Variants in CYTH3 observed in about 807,000 individuals in gnomAD.
The protein encoded by CYTH3 is cytohesin 3.
In CYTH3, 23 loss-of-function variants were observed where a neutral mutation model predicts 55.1. The ratio of observed to expected loss-of-function variants is 0.42; its 90% CI spans 0.30 to 0.59. The LOEUF (loss-of-function observed/expected upper bound fraction) is 0.59. Ranked by LOEUF, CYTH3 falls within the 20% of genes least tolerant of loss-of-function variation. The pLI is 0.20. For synonymous variants in CYTH3, 249 were observed against 194.9 expected (o/e 1.28, Z -2.31); for missense variants, 413 against 524.8 (o/e 0.79, Z 2.08).
At chr7:6,266,137 G>A (rs1780485261) in intron 1 of CYTH3, among the ~76,000 whole-genome samples, 1 of 151,874 alleles carries the variant, frequency 6.6e-6, no homozygotes, top group African/African-American at 2.4e-5. Flanking sequence ...CTGAACCACT[G>A]CAACACCTCC....
intron 4 of CYTH3, among the ~76,000 whole-genome samples, chr7:6,183,959 C>G (rs1222698037): frequency 6.7e-6 from 1 of 149,924 alleles, no homozygotes; most frequent in Non-Finnish European, 1.5e-5. Context: ...CCTCACCAGA[C>G]ACCAATCATG....
At position 6,170,713 on chromosome 7, in the gene CYTH3, T is replaced by A. The variant is rs1019209711; in HGVS notation, c.712-67A>T. 24 of 1,578,640 alleles carry A rather than the reference T, an allele frequency of 1.5e-5. No homozygotes were observed. The highest frequency in any genetic ancestry group is 2.7e-5 in the African/African-American group (2 of 74,130). On this transcript the variant is annotated intron_variant, in intron 8 of 12. Coordinates refer to ENST00000350796, the MANE Select transcript of CYTH3 (RefSeq NM_004227.4). This position sits in a 1 kb window ranked among gnomAD's most constrained non-coding sequence, Gnocchi z 7.8. ...GAAAATGGCTGGCCGGGCAGAAAGC[T>A]CAGCGGGACCAGGGCGGCAAGGAGG... is the stretch of plus-strand genomic sequence containing the variant.
At position 6,171,709 on chromosome 7, in the gene CYTH3, T is replaced by C. The variant is rs10275021; in HGVS notation, c.450-395A>G. ...GTCCTCCTTTCAGAACTCCCACACA[T>C]AAGGCAGAGCCATAGCCCACAGGAC... On this transcript the variant is annotated intron_variant, in intron 6 of 12. Coordinates refer to ENST00000350796, the MANE Select transcript of CYTH3 (RefSeq NM_004227.4). This position sits in a 1 kb window ranked among gnomAD's most constrained non-coding sequence, Gnocchi z 6.7. 20,354 of 244,434 alleles carry C rather than the reference T, an allele frequency of 0.083. 1,227 individuals carry two copies. Among genetic ancestry groups the C allele is most frequent in the African/African-American group, 0.18 (8,350 of 45,502 alleles). 15.1% of individuals were successfully genotyped at this position (244,434 alleles called of 1,614,324 possible).
chr7:6,187,212 T>A, intron 3 of CYTH3, 96 bp from the exon 4 acceptor site: 1 of 1,354,802 alleles, frequency 7.4e-7, no homozygotes, highest in Non-Finnish European at 1.1e-6. Context: ...AACAACGGGC[T>A]CAAGGAAGCG....
At chr7:6,221,994 C>T (rs1347289420) in intron 1 of CYTH3, among the ~76,000 whole-genome samples, 1 of 152,168 alleles carries the variant, frequency 6.6e-6, no homozygotes, top group Admixed American at 6.5e-5. Context: ...CTTTATATTG[C>T]ATAAGGTAAG....
At position 6,171,038 on chromosome 7, in the gene CYTH3, C is replaced by T. The variant is rs1583735037; in HGVS notation, c.563-60G>A. On this transcript the variant is annotated intron_variant, in intron 7 of 12. Transcript: ENST00000350796. This position sits in a 1 kb window ranked among gnomAD's most constrained non-coding sequence, Gnocchi z 6.7. ...ACCTCCAGTGGACAGTGGGACCCCG[C>T]GTGCTGGGGGCCCGCCTGCAAGAGG... The T allele has an allele frequency of 1.1e-5, 17 of 1,601,140 alleles. No homozygotes were observed. The East Asian group carries it at 2.5e-4, about 23-fold the overall frequency.
chr7:6,255,742 GT>G (rs1363383126), intron 1 of CYTH3, among the ~76,000 whole-genome samples: 7 of 142,850 alleles, frequency 4.9e-5, no homozygotes, highest in African/African-American at 1.8e-4. Context: ...GACTACCCAA[GT>G]TTGACCTTTA....
chr7:6,184,242 A>T (rs1020270745), intron 4 of CYTH3, among the ~76,000 whole-genome samples: 3 of 151,252 alleles, frequency 2.0e-5, no homozygotes, highest in African/African-American at 7.3e-5. Context: ...TTGTATTTTC[A>T]GTAGAAACGG....
At chr7:6,254,364 T>C (rs1222663388) in intron 1 of CYTH3, among the ~76,000 whole-genome samples, 5 of 152,342 alleles carry the variant, frequency 3.3e-5, no homozygotes, top group Middle Eastern at 3.4e-3. Flanking sequence ...TGACTGTTAG[T>C]TATCTTAAGA....
intron 1 of CYTH3, among the ~76,000 whole-genome samples, chr7:6,269,162 G>A (rs1219838846): frequency 1.3e-5 from 2 of 152,188 alleles, no homozygotes; most frequent in Non-Finnish European, 2.9e-5. Flanking sequence ...GTTGCCTGCA[G>A]GGGTGAGTCC....
At chr7:6,197,660 G>T (rs1165320867) in intron 1 of CYTH3, among the ~76,000 whole-genome samples, 1 of 152,096 alleles carries the variant, frequency 6.6e-6, no homozygotes, top group Non-Finnish European at 1.5e-5. Flanking sequence ...TCCAGCCTGG[G>T]CAACAAGAGT....
rs1269345835 is a variant in CYTH3, at chr7:6,259,801, ATAT to A, written c.34+12670_34+12672del. Reference sequence around the variant, plus strand: ...ATATATATAATATATATATATATATATATATATATATAATATATATATATATAT... The same window carrying A: ...ATATATATAATATATATATATATATAATATATATAATATATATATATATAT... On this transcript the variant is annotated intron_variant, in intron 1 of 12. Transcript: ENST00000350796. 2.5e-4 allele frequency among the ~76,000 whole-genome samples: 6 copies of A among 24,094 alleles called. No individual in the cohort carries two copies. In the South Asian group the frequency reaches 6.8e-3, roughly 27 times the overall value. 15.8% of individuals were successfully genotyped at this position (24,094 alleles called of 152,430 possible).
chr7:6,245,643 G>A lies in CYTH3; in HGVS notation c.34+26831C>T, dbSNP rs1414158585. Among the ~76,000 whole-genome samples, 5 of 152,308 alleles carry A rather than the reference G, an allele frequency of 3.3e-5. No homozygotes were observed. The East Asian group carries it at 5.8e-4, about 18-fold the overall frequency. On this transcript the variant is annotated intron_variant, in intron 1 of 12. Coordinates refer to ENST00000350796, the MANE Select transcript of CYTH3 (RefSeq NM_004227.4). ...TTGGGGGCCGGGCATGGCAGCTCAC[G>A]CCTGTAATTCCAGCACTTCGGGAGG... is the stretch of plus-strand genomic sequence containing the variant.
intron 2 of CYTH3, among the ~76,000 whole-genome samples, 198 bp from the exon 3 acceptor site, chr7:6,187,919 C>A (rs147866745): frequency 6.6e-6 from 1 of 152,312 alleles, no homozygotes; most frequent in African/African-American, 2.4e-5. Context: ...ACACAAAATT[C>A]TTTGCTCACT....
chr7:6,202,468 T>G (rs994026515), intron 1 of CYTH3, among the ~76,000 whole-genome samples: 21 of 151,100 alleles, frequency 1.4e-4, no homozygotes, highest in East Asian at 3.9e-4. Flanking sequence ...TTTTTTTTTT[T>G]TTTTTTTTTT....
rs564147082 is a variant in CYTH3 at position 6,167,848 on chromosome 7, TGGG to T, written c.824-2041_824-2039del. ...ACTAGCCCACACACCTGGCCCCGCC[TGGG>T]AGGGGTCTGCCAGGTGGCCTCTCAG... On this transcript the variant is annotated intron_variant, in intron 9 of 12. Transcript: ENST00000350796. The surrounding 1 kb of genome is among the most constrained non-coding windows in gnomAD (Gnocchi z 5.5). Among the ~76,000 whole-genome samples the T allele has an allele frequency of 1.2e-3, 184 of 152,342 alleles. No homozygotes were observed. Among genetic ancestry groups the T allele is most frequent in the Admixed American group, 3.8e-3 (58 of 15,308 alleles).
intron 4 of CYTH3, among the ~76,000 whole-genome samples, chr7:6,184,620 G>A (rs533821648): frequency 2.7e-3 from 415 of 152,112 alleles, no homozygotes; most frequent in Non-Finnish European, 5.0e-3. Flanking sequence ...TACTCTTGTC[G>A]CCCAGACTGG....
chr7:6,261,936 C>A (rs1780363739), intron 1 of CYTH3, among the ~76,000 whole-genome samples: 1 of 151,988 alleles, frequency 6.6e-6, no homozygotes, highest in African/African-American at 2.4e-5. Flanking sequence ...AGTTATCAGA[C>A]ACAGACTTTA....
chr7:6,255,606 A>C (rs1458365381), intron 1 of CYTH3, among the ~76,000 whole-genome samples: 1 of 151,984 alleles, frequency 6.6e-6, no homozygotes, highest in Non-Finnish European at 1.5e-5. Context: ...GGGGTCCAGC[A>C]CCTCATCAAG....
Sources: allele counts gnomAD v4.1 joint callset (sites outside exome capture counted in the v4.1 genomes callset), GRCh38; gene constraint gnomAD v4.1.1; non-coding constraint Gnocchi (gnomAD v3.1); transcripts MANE v1.5; gene names NCBI Gene and HGNC (gene_info 2026-07-23, HGNC 2026-07-21).